Variants in TES observed in about 807,000 individuals in gnomAD.
The protein encoded by TES is testin LIM domain protein, also known as testin.
A neutral mutation model predicts 48.2 loss-of-function variants in TES; 41 were observed. The ratio of observed to expected loss-of-function variants is 0.85; its 90% CI spans 0.66 to 1.10. The LOEUF (loss-of-function observed/expected upper bound fraction) is 1.10, where lower values mean the gene tolerates loss of function less well. TES is among the 50% of genes least tolerant of loss of function. TES has a pLI of 0.00. For synonymous variants in TES, 162 were observed against 174.9 expected, an observed-to-expected ratio of 0.93 and a Z score of 0.58; for missense variants, 463 against 515.1, an observed-to-expected ratio of 0.90 and a Z score of 0.98.
rs761377603 is a variant in TES at position 116,250,230 on chromosome 7, C to T, written c.436C>T (p.Arg146Trp). ...PVAGSEGAQY[R>W]KKQLAKQLPA... ...AGCAGGCTCAGAGGGGGCACAGTAC[C>T]GGAAGAAGCAGCTGGCAAAGCAGCT... The change falls in exon 4 of 7, where the codon CGG becomes TGG. Residue 146 changes from arginine (R) to tryptophan (W), a missense_variant. Arg to Trp is a moderately radical substitution (Grantham distance 101). Coordinates refer to ENST00000358204, the MANE Select transcript of TES (RefSeq NM_015641.4). 2.3e-5 allele frequency: 37 copies of T among 1,605,468 alleles called. No homozygotes were observed. Among genetic ancestry groups the T allele is most frequent in the African/African-American group, 6.7e-5 (5 of 74,668 alleles).
At chr7:116,255,574 T>A (rs1023743882) in intron 6 of TES, among the ~76,000 whole-genome samples, 1 of 152,270 alleles carries the variant, frequency 6.6e-6, no homozygotes, top group Non-Finnish European at 1.5e-5. Context: ...TAATTTCATG[T>A]GTAATTGAAC....
At chr7:116,231,355 A>T (rs145964565) in intron 1 of TES, among the ~76,000 whole-genome samples, 114 of 152,342 alleles carry the variant, frequency 7.5e-4, no homozygotes, top group African/African-American at 2.4e-3. Context: ...GAAAAGTGTC[A>T]AACTCTGTAA....
chr7:116,212,363 A>G (rs1799448625), intron 1 of TES, among the ~76,000 whole-genome samples: 1 of 152,220 alleles, frequency 6.6e-6, no homozygotes, highest in Non-Finnish European at 1.5e-5. Context: ...CATAGAATGT[A>G]GAACACCAAG....
Position 116,242,542 on chromosome 7 carries a change from T to C in TES, c.114-6478T>C, listed in dbSNP as rs541833797. The stretch of plus-strand genomic sequence containing the variant: ...CTCTCTCTCTCTCTCTCTCTCTGTC[T>C]CTGTCTCGGAATATACAAGTCAAAT... On this transcript the variant is annotated intron_variant, in intron 2 of 6. Transcript: ENST00000358204. Among the ~76,000 whole-genome samples the C allele has an allele frequency of 2.4e-4, 23 of 95,038 alleles. No individual in the cohort carries two copies. The East Asian group carries it at 0.013, about 54-fold the overall frequency. 62.3% of individuals were successfully genotyped at this position (95,038 alleles called of 152,430 possible).
intron 2 of TES, among the ~76,000 whole-genome samples, chr7:116,239,818 T>C (rs1799821632): frequency 2.0e-5 from 3 of 152,120 alleles, no homozygotes; most frequent in Admixed American, 6.5e-5. Flanking sequence ...TCAAGTAATA[T>C]ATAGAGATAA....
chr7:116,226,871 C>T (rs554961985), intron 1 of TES, among the ~76,000 whole-genome samples: 2 of 152,234 alleles, frequency 1.3e-5, no homozygotes, highest in South Asian at 2.1e-4. Flanking sequence ...CTTCAGTCTT[C>T]TTCTCATGTA....
intron 1 of TES, among the ~76,000 whole-genome samples, chr7:116,222,419 C>T (rs1030309103): frequency 2.2e-4 from 33 of 152,158 alleles, no homozygotes; most frequent in African/African-American, 7.7e-4. Context: ...TTCTTTCATT[C>T]TCCAGTCTGT....
chr7:116,229,808 C>A (rs1470879194), intron 1 of TES, among the ~76,000 whole-genome samples: 1 of 152,184 alleles, frequency 6.6e-6, no homozygotes, highest in African/African-American at 2.4e-5. Flanking sequence ...ATAATTCAAT[C>A]TGAAACTAGG....
chr7:116,215,238 G>A (rs945886668), intron 1 of TES, among the ~76,000 whole-genome samples: 1 of 152,070 alleles, frequency 6.6e-6, no homozygotes, highest in African/African-American at 2.4e-5. Flanking sequence ...CAACTAGGCC[G>A]AGTCTTATAT....
intron 1 of TES, among the ~76,000 whole-genome samples, chr7:116,225,816 A>G (rs1338957791): frequency 1.3e-5 from 2 of 152,194 alleles, no homozygotes; most frequent in African/African-American, 2.4e-5. Context: ...ATTACATTCT[A>G]TTTTTAAAAC....
In TES at chr7:116,246,946, C is replaced by CTTTTTTTTTTTTTTTTTTTTTT. The variant is rs148032626; in HGVS notation, c.114-2074_114-2073insTTTTTTTTTTTTTTTTTTTTTT. On this transcript the variant is annotated intron_variant, in intron 2 of 6. Transcript: ENST00000358204. ...AGTTCTAGAAATCAGAGACTAGGCC[C>CTTTTTTTTTTTTTTTTTTTTTT]CTTTTTTTTTTTTTTTTTTTTAAGC... Among the ~76,000 whole-genome samples, 5 of 131,046 alleles carry CTTTTTTTTTTTTTTTTTTTTTT rather than the reference C, an allele frequency of 3.8e-5. 2 individuals are homozygous for CTTTTTTTTTTTTTTTTTTTTTT. The highest frequency in any genetic ancestry group is 6.3e-5 in the Non-Finnish European group (4 of 63,254). 86.0% of individuals were successfully genotyped at this position (131,046 alleles called of 152,430 possible).
intron 1 of TES, among the ~76,000 whole-genome samples, chr7:116,224,189 G>C (rs1799592358): frequency 6.6e-6 from 1 of 152,176 alleles, no homozygotes; most frequent in African/African-American, 2.4e-5. Context: ...TTGCAGCCCA[G>C]CTGACCCCGA....
chr7:116,252,245 G>A (rs1584629858), intron 5 of TES, 73 bp from the exon 6 acceptor site: 1 of 1,468,806 alleles, frequency 6.8e-7, no homozygotes, highest in East Asian at 2.5e-5. Flanking sequence ...TTTAGACCCT[G>A]AGAAAGTATG....
intron 2 of TES, among the ~76,000 whole-genome samples, chr7:116,236,624 G>T (rs1325340379): frequency 6.6e-6 from 1 of 152,060 alleles, no homozygotes; most frequent in East Asian, 1.9e-4. Flanking sequence ...TTTTAGTTCT[G>T]CTATGCAGTT....
intron 1 of TES, among the ~76,000 whole-genome samples, chr7:116,212,412 G>A (rs543528463): frequency 6.6e-6 from 1 of 152,256 alleles, no homozygotes; most frequent in East Asian, 1.9e-4. Flanking sequence ...TGGGGATAAT[G>A]ATGTGTCAAT....
At position 116,250,376 on chromosome 7, in the gene TES, TCC is replaced by T. The variant is rs1563014525; in HGVS notation, c.584_585del (p.Pro195LeufsTer2). ...EALGVGDVKL[P>X]CEMDAQGPKQ... ...CTCTGGGAGTAGGAGATGTCAAACT[TCC>T]CTGTGAGATGGATGCCCAAGGCCCC... On this transcript the variant is annotated frameshift_variant, in exon 4 of 7. Transcript: ENST00000358204. LOFTEE classifies it high-confidence loss of function. The T allele has an allele frequency of 6.2e-7, 1 of 1,613,986 alleles. No individual in the cohort carries two copies. Among genetic ancestry groups the T allele is most frequent in the South Asian group, 1.1e-5 (1 of 91,032 alleles).
chr7:116,224,858 T>G (rs1389423982), intron 1 of TES, among the ~76,000 whole-genome samples: 1 of 114,770 alleles, frequency 8.7e-6, no homozygotes, highest in East Asian at 3.3e-4. Flanking sequence ...CTTTTTAGTT[T>G]CAGTTTGGAG....
At chr7:116,236,811 A>G (rs564323043) in intron 2 of TES, among the ~76,000 whole-genome samples, 34 of 152,302 alleles carry the variant, frequency 2.2e-4, no homozygotes, top group South Asian at 2.1e-3. Context: ...TTACATTTCA[A>G]TTTATCACAC....
intron 1 of TES, among the ~76,000 whole-genome samples, chr7:116,228,749 A>C (rs752361605): frequency 6.6e-6 from 1 of 152,074 alleles, no homozygotes; most frequent in African/African-American, 2.4e-5. Context: ...GCAGATGACC[A>C]TGCTGAATAA....
Sources: allele counts gnomAD v4.1 joint callset (sites outside exome capture counted in the v4.1 genomes callset), GRCh38; gene constraint gnomAD v4.1.1; transcripts MANE v1.5; gene names NCBI Gene and HGNC (gene_info 2026-07-23, HGNC 2026-07-21).